Variants in FREM1 observed in about 807,000 individuals in gnomAD.
FREM1 encodes FRAS1-related extracellular matrix protein 1.
Under a neutral mutation model 210.1 loss-of-function variants are expected in FREM1, and 220 were observed. That is an observed-to-expected ratio of 1.05 (90% CI 0.94 to 1.17). The LOEUF (loss-of-function observed/expected upper bound fraction) is 1.17. Ranked by LOEUF, FREM1 falls within the 50% of genes most tolerant of loss-of-function variation. FREM1 has a pLI of 0.00. For synonymous variants in FREM1, 1,189 were observed against 980.2 expected (o/e 1.21, Z -3.98); for missense variants, 3,454 against 2,675.5 (o/e 1.29, Z -6.42).
chr9:14,798,834 T>C (rs2092872479), intron 20 of FREM1, among the ~76,000 whole-genome samples: 1 of 152,016 alleles, frequency 6.6e-6, no homozygotes, highest in Non-Finnish European at 1.5e-5. Flanking sequence ...TGACCACACC[T>C]GGCTAATTTT....
At chr9:14,780,433 G>GAAAAAAAAAAAAAAAAAACA (rs58017285) in intron 24 of FREM1, among the ~76,000 whole-genome samples, 1 of 81,536 alleles carries the variant, frequency 1.2e-5, no homozygotes, top group Non-Finnish European at 2.6e-5. Context: ...CAGCTCCTCA[G>GAAAAAAAAAAAAAAAAAACA]AAAAAAAAAA....
chr9:14,843,629 G>T (rs1014179158), intron 8 of FREM1, among the ~76,000 whole-genome samples: 2 of 152,192 alleles, frequency 1.3e-5, no homozygotes, highest in Non-Finnish European at 2.9e-5. Flanking sequence ...AAGAATGAGA[G>T]AACTTAAGCA....
chr9:14,859,519 G>T (rs754900117), intron 3 of FREM1, 35 bp from the exon 4 acceptor site: 7 of 1,554,302 alleles, frequency 4.5e-6, no homozygotes, highest in Non-Finnish European at 6.1e-6. Context: ...AATATTAATT[G>T]GTGCTCAGGT....
chr9:14,811,995 A>G (rs938368966), intron 16 of FREM1, among the ~76,000 whole-genome samples: 3 of 152,152 alleles, frequency 2.0e-5, no homozygotes, highest in Non-Finnish European at 4.4e-5. Context: ...GTTACCAAGG[A>G]AGTTTCCCCA....
At chr9:14,769,896 G>A (rs781313670) in intron 26 of FREM1, 28 bp from the exon 27 acceptor site, 3 of 1,152,474 alleles carry the variant, frequency 2.6e-6, no homozygotes, top group East Asian at 5.1e-5. Context: ...TGAATATCAT[G>A]GGTAATCAAA....
chr9:14,800,187 G>A (rs568526712), intron 20 of FREM1, among the ~76,000 whole-genome samples: 1 of 152,258 alleles, frequency 6.6e-6, no homozygotes, highest in African/African-American at 2.4e-5. Flanking sequence ...TTAAACAAGT[G>A]CTAAGATGAA....
At chr9:14,901,351 C>G (rs1206652765) in intron 1 of FREM1, among the ~76,000 whole-genome samples, 1 of 152,114 alleles carries the variant, frequency 6.6e-6, no homozygotes, top group Non-Finnish European at 1.5e-5. Flanking sequence ...CCTCTGTGTT[C>G]CTAATGTGTC....
In FREM1 at chr9:14,843,652, C is replaced by A. The variant is rs115806279; in HGVS notation, c.1394-992G>T. 7.2e-3 allele frequency among the ~76,000 whole-genome samples: 1,091 copies of A among 152,300 alleles called. 17 individuals carry two copies. Among genetic ancestry groups the A allele is most frequent in the African/African-American group, 0.024 (980 of 41,570 alleles). ...GAGAACTTAAGCAACAGTAAGCCTA[C>A]AATAAATGTTGGTTATTCTTCAGCT... is the stretch of plus-strand genomic sequence containing the variant. On this transcript the variant is annotated intron_variant, in intron 8 of 36. Transcript: ENST00000380880.
intron 36 of FREM1, among the ~76,000 whole-genome samples, chr9:14,738,265 T>G (rs1339313420): frequency 6.6e-6 from 1 of 152,054 alleles, no homozygotes; most frequent in Non-Finnish European, 1.5e-5. Flanking sequence ...ATAATAGAAA[T>G]AAAAAAGAAT....
At chr9:14,803,162 CTT>C (rs1817626368) in intron 19 of FREM1, among the ~76,000 whole-genome samples, 7 of 123,850 alleles carry the variant, frequency 5.7e-5, no homozygotes, top group South Asian at 3.1e-4. Context: ...CTTCCTTCAT[CTT>C]TCTTTCTCTC....
At chr9:14,874,852 G>A (rs1246192992) in intron 1 of FREM1, among the ~76,000 whole-genome samples, 1 of 152,076 alleles carries the variant, frequency 6.6e-6, no homozygotes, top group African/African-American at 2.4e-5. Context: ...AGCTCTTTTA[G>A]GGCAGGCCTG....
chr9:14,788,244 C>G (rs1850714116), intron 23 of FREM1, among the ~76,000 whole-genome samples: 1 of 152,088 alleles, frequency 6.6e-6, no homozygotes, highest in Non-Finnish European at 1.5e-5. Context: ...AGGGTAGTAA[C>G]AGTTGGGTAT....
chr9:14,836,100 G>A lies in FREM1; in HGVS notation c.1881+5347C>T, dbSNP rs1458199790. ...ATAACTCTGAGCTTTCTTTGTTTGG[G>A]AAAATAAAACCAAGGAACTTCATAG... On this transcript the variant is annotated intron_variant, in intron 10 of 36. Transcript: ENST00000380880. The surrounding 1 kb of genome is among the most constrained non-coding windows in gnomAD (Gnocchi z 4.9). Among the ~76,000 whole-genome samples, 1 of 152,196 alleles carries A rather than the reference G, an allele frequency of 6.6e-6. No homozygotes were observed. Among genetic ancestry groups the A allele is most frequent in the Non-Finnish European group, 1.5e-5 (1 of 68,042 alleles).
intron 34 of FREM1, 30 bp downstream of exon 34, chr9:14,746,893 A>G: frequency 1.2e-6 from 2 of 1,606,982 alleles, no homozygotes; most frequent in Non-Finnish European, 1.7e-6. Flanking sequence ...TTGCGAATAA[A>G]GGTGCTTGGC....
intron 36 of FREM1, among the ~76,000 whole-genome samples, chr9:14,739,335 C>T (rs1177477946): frequency 1.3e-5 from 2 of 151,250 alleles, no homozygotes; most frequent in Non-Finnish European, 2.9e-5. Context: ...AAATCCTGGG[C>T]TCAAGCAATC....
chr9:14,882,724 T>C (rs556407551), intron 1 of FREM1, among the ~76,000 whole-genome samples: 1 of 151,704 alleles, frequency 6.6e-6, no homozygotes, highest in East Asian at 1.9e-4. Context: ...CCCAAAGTGC[T>C]GGGATTACAG....
chr9:14,895,664 A>G (rs1478568517), intron 1 of FREM1, among the ~76,000 whole-genome samples: 1 of 151,872 alleles, frequency 6.6e-6, no homozygotes, highest in Non-Finnish European at 1.5e-5. Context: ...TTGTGTAGAA[A>G]TGCAGAATAA....
intron 30 of FREM1, 145 bp from the exon 31 acceptor site, chr9:14,748,784 A>C: frequency 1.6e-6 from 1 of 609,408 alleles, no homozygotes; most frequent in Non-Finnish European, 2.9e-6. Context: ...CATTTGCCAG[A>C]AACTCCTTTA....
intron 5 of FREM1, among the ~76,000 whole-genome samples, chr9:14,853,157 C>A (rs1471963064): frequency 6.6e-6 from 1 of 152,166 alleles, no homozygotes; most frequent in African/African-American, 2.4e-5. Flanking sequence ...TTGAAACACA[C>A]ACAGAGAGCT....
Sources: gnomAD v4.1 joint callset for allele counts (sites outside exome capture counted in the v4.1 genomes callset) on GRCh38, gnomAD v4.1.1 for gene constraint, Gnocchi (gnomAD v3.1) non-coding constraint, MANE v1.5 for transcripts, NCBI Gene and HGNC (gene_info 2026-07-23, HGNC 2026-07-21) for gene names.